The following TECPR2 variants were observed in gnomAD, a reference collection of about 807,000 sequenced individuals.
TECPR2 encodes tectonin beta-propeller repeat-containing protein 2.
TECPR2 carries 65 observed loss-of-function variants against 138.1 expected under a neutral mutation model. The observed-to-expected ratio is 0.47, with a 90% CI of 0.39 to 0.58. The LOEUF (loss-of-function observed/expected upper bound fraction) is 0.58. Ranked by LOEUF, TECPR2 falls within the 20% of genes least tolerant of loss-of-function variation. The probability of loss-of-function intolerance (pLI) is 0.00; values close to 1 mark genes in which losing one functional copy is unlikely to be tolerated. For missense variants in TECPR2, 1,553 were observed against 1,824.5 expected (o/e 0.85, Z 2.71); for synonymous variants, 746 against 749.8 (o/e 0.99, Z 0.08).
At chr14:102,446,455 T>C (rs188598562) in intron 13 of TECPR2, among the ~76,000 whole-genome samples, 1 of 152,168 alleles carries the variant, frequency 6.6e-6, no homozygotes, top group Non-Finnish European at 1.5e-5. Context: ...AAAAATTAGT[T>C]GGACATGGTG....
chr14:102,460,435 G>A (rs1193170889), intron 16 of TECPR2, among the ~76,000 whole-genome samples: 1 of 151,698 alleles, frequency 6.6e-6, no homozygotes, highest in Admixed American at 6.6e-5. Flanking sequence ...CCAACATGGT[G>A]AAGCCCCGTC....
chr14:102,423,158 C>T (rs955572679), intron 5 of TECPR2, among the ~76,000 whole-genome samples: 8 of 152,108 alleles, frequency 5.3e-5, no homozygotes, highest in African/African-American at 1.9e-4. Context: ...TTTGGCCAGG[C>T]GCAGTGGCTC....
In TECPR2 at chr14:102,438,217, C is replaced by A. The variant is rs756015910; in HGVS notation, c.2578+12C>A. The A allele has an allele frequency of 1.1e-6, 1 of 871,570 alleles. No homozygotes were observed. The highest frequency in any genetic ancestry group is 2.1e-5 in the South Asian group (1 of 47,240). 54.0% of individuals were successfully genotyped at this position (871,570 alleles called of 1,614,324 possible). A position where few individuals can be genotyped will look rare whatever the true frequency, so the allele number is the denominator to read the frequency against. On this transcript the variant is annotated intron_variant, in intron 10 of 19. Transcript: ENST00000359520. The stretch of plus-strand genomic sequence containing the variant: ...AGTCTCGCCCTCAGGTTCGCCTCCC[C>A]GCTCCCTGCTCCCGCTCCCTGCTCC...
intron 9 of TECPR2, among the ~76,000 whole-genome samples, chr14:102,437,604 G>T (rs1889703257): frequency 6.6e-6 from 1 of 152,092 alleles, no homozygotes; most frequent in Non-Finnish European, 1.5e-5. Context: ...GACAGTGGTA[G>T]TGCCATATAT....
rs891567548 is a variant in TECPR2, at chr14:102,410,044, T to C, written c.480+1425T>C. Among the ~76,000 whole-genome samples, 3 of 151,086 alleles carry C rather than the reference T, an allele frequency of 2.0e-5. No individual in the cohort carries two copies. The South Asian group carries it at 6.3e-4, about 32-fold the overall frequency. On this transcript the variant is annotated intron_variant, in intron 4 of 19. Coordinates refer to ENST00000359520, the MANE Select transcript of TECPR2 (RefSeq NM_014844.5). ...TGGTTTCAATCTCCTGACCCTGTGA[T>C]TGAAATCTCCCACCTCAGCCTCCCA...
At chr14:102,381,056 G>A (rs1007150182) in intron 2 of TECPR2, among the ~76,000 whole-genome samples, 2 of 151,618 alleles carry the variant, frequency 1.3e-5, no homozygotes, top group African/African-American at 4.9e-5. Context: ...CACCTCCTGG[G>A]TTCAAACGAT....
intron 2 of TECPR2, among the ~76,000 whole-genome samples, chr14:102,384,030 C>A (rs1239599349): frequency 1.3e-5 from 2 of 150,796 alleles, no homozygotes; most frequent in South Asian, 2.1e-4. Flanking sequence ...AGCGATTCTT[C>A]TGCCTCAATC....
chr14:102,410,665 A>T (rs1888819654), intron 4 of TECPR2, among the ~76,000 whole-genome samples: 1 of 152,114 alleles, frequency 6.6e-6, no homozygotes, highest in Admixed American at 6.5e-5. Flanking sequence ...CCCCAGTCTC[A>T]TTCCGGACAC....
intron 7 of TECPR2, among the ~76,000 whole-genome samples, chr14:102,431,340 A>AT (rs35092221): frequency 0.19 from 21,346 of 111,762 alleles, 2,913 homozygotes; most frequent in Non-Finnish European, 0.23. Context: ...GTTTTGGTGG[A>AT]TTTTTTTTTT....
chr14:102,420,888 A>G lies in TECPR2; in HGVS notation c.639-4091A>G, dbSNP rs547911239. On this transcript the variant is annotated intron_variant, in intron 5 of 19. Transcript: ENST00000359520. The surrounding 1 kb of genome is among the most constrained non-coding windows in gnomAD (Gnocchi z 4.1). Reference sequence around the variant, plus strand: ...ACCTCGCCTTCTCATGCCCACTCAGATGCACCACCTTGATCTGAGCTCTTT... The same window carrying G: ...ACCTCGCCTTCTCATGCCCACTCAGGTGCACCACCTTGATCTGAGCTCTTT... Among the ~76,000 whole-genome samples, 1 of 152,216 alleles carries G rather than the reference A, an allele frequency of 6.6e-6. No individual in the cohort carries two copies. Among genetic ancestry groups the G allele is most frequent in the South Asian group, 2.1e-4 (1 of 4,820 alleles).
chr14:102,483,339 G>C (rs1890937357), intron 17 of TECPR2, among the ~76,000 whole-genome samples: 1 of 151,960 alleles, frequency 6.6e-6, no homozygotes, highest in Non-Finnish European at 1.5e-5. Context: ...CCTCTGCTGG[G>C]GTCCTCTTCT....
rs1185858408 is a variant in TECPR2 at position 102,468,842 on chromosome 14, C to G, written c.3789+3553C>G. Among the ~76,000 whole-genome samples, 3 of 152,240 alleles carry G rather than the reference C, an allele frequency of 2.0e-5. 1 individual carries two copies. Among genetic ancestry groups the G allele is most frequent in the South Asian group, 4.1e-4 (2 of 4,820 alleles). On this transcript the variant is annotated intron_variant, in intron 17 of 19. Coordinates refer to ENST00000359520, the MANE Select transcript of TECPR2 (RefSeq NM_014844.5). ...TTTACATGTGGGTATCGAATTGTACCAGCACCATTTATTGAAAAGACTATT... is the reference window on the plus strand; with the variant it reads ...TTTACATGTGGGTATCGAATTGTACGAGCACCATTTATTGAAAAGACTATT...
Position 102,408,538 on chromosome 14 carries a change from G to T in TECPR2, c.399G>T (p.Leu133=). The change falls in exon 4 of 20, where the codon CTG becomes CTT. Residue 133 remains leucine, a synonymous_variant. Transcript: ENST00000359520. ...TGIHKNSITA[L]AWSPNGMKLF... Reference sequence around the variant, plus strand: ...TTCACAAAAATAGCATTACAGCTCTGGCTTGGAGCCCCAATGGAATGAAAT... The same window carrying T: ...TTCACAAAAATAGCATTACAGCTCTTGCTTGGAGCCCCAATGGAATGAAAT... 6.2e-7 allele frequency: 1 copy of T among 1,613,220 alleles called. No individual in the cohort carries two copies. The highest frequency in any genetic ancestry group is 8.5e-7 in the Non-Finnish European group (1 of 1,179,798).
chr14:102,375,820 C>T (rs1315679025), intron 1 of TECPR2, among the ~76,000 whole-genome samples: 1 of 152,178 alleles, frequency 6.6e-6, no homozygotes, highest in Non-Finnish European at 1.5e-5. Context: ...AGTCAAGTCT[C>T]GGCTGTTTGA....
chr14:102,441,225 G>A (rs1318975293), intron 11 of TECPR2, among the ~76,000 whole-genome samples: 3 of 151,958 alleles, frequency 2.0e-5, no homozygotes, highest in East Asian at 3.9e-4. Context: ...CCATCACCAC[G>A]CCCAGCCAAT....
intron 4 of TECPR2, among the ~76,000 whole-genome samples, chr14:102,412,837 G>A (rs531248963): frequency 2.8e-4 from 43 of 152,262 alleles, no homozygotes; most frequent in African/African-American, 9.4e-4. Flanking sequence ...GCTCACACCC[G>A]TAATCCCAGC....
At chr14:102,440,171 GC>G (rs1428361060) in intron 10 of TECPR2, among the ~76,000 whole-genome samples, 1 of 152,176 alleles carries the variant, frequency 6.6e-6, no homozygotes, top group African/African-American at 2.4e-5. Context: ...CTTTAGAGCA[GC>G]CCTGTAAGGT....
intron 9 of TECPR2, among the ~76,000 whole-genome samples, chr14:102,435,958 G>T (rs71415901): frequency 6.6e-6 from 1 of 152,154 alleles, no homozygotes; most frequent in African/African-American, 2.4e-5. Context: ...TTATGGCTGC[G>T]CACTTACAGC....
chr14:102,426,316 A>G (rs1195393434), intron 6 of TECPR2, among the ~76,000 whole-genome samples: 4 of 152,220 alleles, frequency 2.6e-5, no homozygotes, highest in Admixed American at 2.6e-4. Flanking sequence ...CAAGATGATA[A>G]CAGATTATCA....
Sources: allele counts gnomAD v4.1 joint callset (sites outside exome capture counted in the v4.1 genomes callset), GRCh38; gene constraint gnomAD v4.1.1; non-coding constraint Gnocchi (gnomAD v3.1); transcripts MANE v1.5; gene names NCBI Gene and HGNC (gene_info 2026-07-23, HGNC 2026-07-21).